The following DOCK5 variants were observed in gnomAD, a reference collection of about 807,000 sequenced individuals.
DOCK5 encodes dedicator of cytokinesis 5, also known as dedicator of cytokinesis protein 5.
A neutral mutation model predicts 251.8 loss-of-function variants in DOCK5; 142 were observed. That is an observed-to-expected ratio of 0.56 (90% CI 0.49 to 0.65). The LOEUF is 0.65. Among genes scored for constraint, DOCK5 ranks in the 30% least tolerant of loss-of-function variants. The pLI is 0.00. For synonymous variants in DOCK5, 842 were observed against 835.5 expected (o/e 1.01, Z -0.13); for missense variants, 2,111 against 2,312.3 (o/e 0.91, Z 1.79).
intron 28 of DOCK5, 108 bp from the exon 29 acceptor site, chr8:25,362,939 G>A (rs1016390597): frequency 3.9e-6 from 3 of 776,672 alleles, no homozygotes; most frequent in Non-Finnish European, 4.4e-6. Flanking sequence ...GTTACTGTGG[G>A]GCTAGGAACA....
intron 4 of DOCK5, 68 bp from the exon 5 acceptor site, chr8:25,278,501 T>C (rs1804105428): frequency 1.3e-6 from 2 of 1,494,230 alleles, no homozygotes; most frequent in East Asian, 4.6e-5. Context: ...TTGGGAAGTC[T>C]GATCCCCATC....
chr8:25,369,543 C>T lies in DOCK5; in HGVS notation c.3439-13C>T, dbSNP rs756012408. On this transcript the variant is annotated splice_polypyrimidine_tract_variant and intron_variant, in intron 33 of 51. Transcript: ENST00000276440. Reference sequence around the variant, plus strand: ...TGCAACATTATCCTGTGAAATTCTGCCTCTACTTTCAGTTTGAGAATGAGC... The same window carrying T: ...TGCAACATTATCCTGTGAAATTCTGTCTCTACTTTCAGTTTGAGAATGAGC... 6.2e-7 allele frequency: 1 copy of T among 1,600,668 alleles called. No homozygotes were observed. The highest frequency in any genetic ancestry group is 8.5e-7 in the Non-Finnish European group (1 of 1,173,252).
intron 3 of DOCK5, chr8:25,271,011 T>G: frequency 2.2e-6 from 1 of 445,336 alleles, no homozygotes; most frequent in East Asian, 3.2e-5. Flanking sequence ...TCTGCTTACT[T>G]TTTTTTTCTA....
chr8:25,372,940 A>T (rs1800900154), intron 35 of DOCK5, among the ~76,000 whole-genome samples: 1 of 151,502 alleles, frequency 6.6e-6, no homozygotes, highest in Non-Finnish European at 1.5e-5. Flanking sequence ...GTTTGTTTTA[A>T]TTTTTATTTC....
chr8:25,257,518 T>C (rs960695369), intron 2 of DOCK5, among the ~76,000 whole-genome samples: 2 of 151,982 alleles, frequency 1.3e-5, no homozygotes, highest in Non-Finnish European at 2.9e-5. Context: ...TCCAAAGGGG[T>C]TAGGGTTGTT....
Position 25,364,836 on chromosome 8 carries a change from C to T in DOCK5, c.3123+132C>T, listed in dbSNP as rs1005072586. The T allele has an allele frequency of 1.2e-5, 8 of 664,678 alleles. No homozygotes were observed. In the African/African-American group the frequency reaches 1.5e-4, roughly 12 times the overall value. 41.2% of individuals were successfully genotyped at this position (664,678 alleles called of 1,614,324 possible). On this transcript the variant is annotated intron_variant, in intron 30 of 51. Transcript: ENST00000276440. ...AGGTTTTCCTGTGTTTTTTCATTTC[C>T]TAAAGCACATATGCCTGTCACACTG...
chr8:25,328,832 T>C (rs186870810), intron 18 of DOCK5, among the ~76,000 whole-genome samples: 4 of 152,332 alleles, frequency 2.6e-5, no homozygotes, highest in Admixed American at 2.6e-4. Context: ...TGCGTGGCCT[T>C]GGGCCAGGAG....
At chr8:25,389,338 A>G (rs1433114880) in intron 41 of DOCK5, 106 bp downstream of exon 41, 3 of 1,390,136 alleles carry the variant, frequency 2.2e-6, no homozygotes, top group East Asian at 2.3e-5. Context: ...CAGACACACC[A>G]TCTTCTCAAG....
chr8:25,347,468 T>C (rs751815497), intron 26 of DOCK5, among the ~76,000 whole-genome samples: 1 of 152,232 alleles, frequency 6.6e-6, no homozygotes, highest in Non-Finnish European at 1.5e-5. Context: ...CATGTTGCGA[T>C]TGGAGATTTG....
chr8:25,254,356 AAC>A (rs905176745), intron 2 of DOCK5, among the ~76,000 whole-genome samples: 9 of 152,324 alleles, frequency 5.9e-5, no homozygotes, highest in African/African-American at 2.2e-4. Context: ...TAACACTGAA[AAC>A]ACAGTTATAT....
intron 2 of DOCK5, among the ~76,000 whole-genome samples, chr8:25,266,558 G>A (rs1803759083): frequency 6.6e-6 from 1 of 151,802 alleles, no homozygotes; most frequent in Non-Finnish European, 1.5e-5. Context: ...GTAAATACGC[G>A]GGATTAATTG....
intron 51 of DOCK5, among the ~76,000 whole-genome samples, chr8:25,410,972 T>TGTGTGTGTGTGC (rs1331552371): frequency 3.7e-4 from 7 of 19,162 alleles, no homozygotes; most frequent in Non-Finnish European, 8.2e-4. Flanking sequence ...TGTGTGTGTG[T>TGTGTGTGTGTGC]GCGCGCGCGC....
intron 1 of DOCK5, among the ~76,000 whole-genome samples, chr8:25,186,222 T>C (rs1801427450): frequency 6.6e-6 from 1 of 152,122 alleles, no homozygotes; most frequent in Non-Finnish European, 1.5e-5. Context: ...TATATATTTA[T>C]TATTTTTTGT....
intron 1 of DOCK5, among the ~76,000 whole-genome samples, chr8:25,226,134 A>C (rs895855016): frequency 9.2e-5 from 14 of 152,198 alleles, no homozygotes; most frequent in Non-Finnish European, 2.1e-4. Context: ...TCTGTTTATT[A>C]GTTAAAATGA....
rs1399657429 is a variant in DOCK5, at chr8:25,243,685, T to C, written c.55T>C (p.Tyr19His). 1 of 1,613,492 alleles carries C rather than the reference T, an allele frequency of 6.2e-7. No homozygotes were observed. The highest frequency in any genetic ancestry group is 8.5e-7 in the Non-Finnish European group (1 of 1,179,596). ...TTTCTCATTTCCAGCGATCTATAAC[T>C]ACAATGCTTCTCAAGATGTGGAGCT... Reference protein sequence around the residue: ...RQKYGVAIYNYNASQDVELSL... With the variant: ...RQKYGVAIYNHNASQDVELSL... The change falls in exon 2 of 52, where the codon TAC becomes CAC. Residue 19 changes from tyrosine (Y) to histidine (H), a missense_variant. Physicochemically the swap from Tyr to His is moderately conservative, Grantham distance 83. This residue lies in a region of DOCK5 where 335 missense variants were observed against 324.9 expected (regional missense o/e 1.03). Transcript: ENST00000276440.
At chr8:25,295,250 G>T (rs1804588925) in intron 6 of DOCK5, among the ~76,000 whole-genome samples, 2 of 151,820 alleles carry the variant, frequency 1.3e-5, no homozygotes, top group Admixed American at 6.6e-5. Context: ...ACTAGCCTGG[G>T]CAACATAGCA....
chr8:25,207,089 C>T (rs1482908656), intron 1 of DOCK5, among the ~76,000 whole-genome samples: 2 of 152,190 alleles, frequency 1.3e-5, no homozygotes, highest in Admixed American at 1.3e-4. Context: ...TATGTGGCAA[C>T]TCAGGGTACT....
At chr8:25,189,075 G>A (rs1258164730) in intron 1 of DOCK5, among the ~76,000 whole-genome samples, 2 of 128,628 alleles carry the variant, frequency 1.6e-5, no homozygotes, top group African/African-American at 2.9e-5. Context: ...TTGAGACAGG[G>A]CCTCACTCCA....
At chr8:25,323,710 C>T in intron 16 of DOCK5, 138 bp from the exon 17 acceptor site, 1 of 886,206 alleles carries the variant, frequency 1.1e-6, no homozygotes, top group South Asian at 1.5e-5. Flanking sequence ...TGGTACGTGG[C>T]TTATTGCAGT....
Sources: allele counts gnomAD v4.1 joint callset (sites outside exome capture counted in the v4.1 genomes callset), GRCh38; gene constraint gnomAD v4.1.1; regional missense constraint gnomAD v4.1.1; transcripts MANE v1.5; gene names NCBI Gene and HGNC (gene_info 2026-07-23, HGNC 2026-07-21).